Variants in EGF observed in about 807,000 individuals in gnomAD.
EGF encodes the protein epidermal growth factor, also known as pro-epidermal growth factor.
Under a neutral mutation model 143.8 loss-of-function variants are expected in EGF, and 95 were observed. That is an observed-to-expected ratio of 0.66 (90% CI 0.56 to 0.78). EGF has a LOEUF of 0.78. Among genes scored for constraint, EGF ranks in the 30% least tolerant of loss-of-function variants. The pLI is 0.00. For missense variants in EGF, 1,320 were observed against 1,470.9 expected (o/e 0.90, Z 1.68); for synonymous variants, 510 against 510.5 (o/e 1.00, Z 0.01).
At chr4:110,006,105 C>G (rs1753248672) in intron 22 of EGF, among the ~76,000 whole-genome samples, 1 of 151,986 alleles carries the variant, frequency 6.6e-6, no homozygotes, top group Admixed American at 6.6e-5. Context: ...CTTTGGGAGG[C>G]CAAGGCAGGA....
chr4:109,913,719 G>A (rs1234683990), intron 1 of EGF, among the ~76,000 whole-genome samples: 1 of 152,160 alleles, frequency 6.6e-6, no homozygotes, highest in Non-Finnish European at 1.5e-5. Flanking sequence ...TAAACTAGCA[G>A]AACATTTCAT....
At chr4:109,949,286 T>TA (rs1411801434) in intron 5 of EGF, among the ~76,000 whole-genome samples, 2 of 151,792 alleles carry the variant, frequency 1.3e-5, no homozygotes, top group Non-Finnish European at 2.9e-5. Context: ...AGGCTGGTCT[T>TA]AAACTCTTGA....
chr4:109,958,173 A>G (rs575154298), intron 5 of EGF, among the ~76,000 whole-genome samples: 3 of 152,350 alleles, frequency 2.0e-5, no homozygotes, highest in Non-Finnish European at 4.4e-5. Context: ...CAAATTACTT[A>G]TAATACCTAA....
Position 109,963,265 on chromosome 4 carries a change from C to G in EGF, c.1405C>G (p.Leu469Val). The change falls in exon 9 of 24, where the codon CTA becomes GTA. Residue 469 changes from leucine (L) to valine (V), a missense_variant. Leu to Val is a conservative substitution (Grantham distance 32, BLOSUM62 1). This residue lies in a region of EGF where 1,186 missense variants were observed against 1,313.7 expected (regional missense o/e 0.90). Transcript: ENST00000265171. ...ATGTGATTGCTTTCCTGGGTATGAC[C>G]TACAACTGGATGAAAAAAGCTGTGC... ...WECDCFPGYD[L>V]QLDEKSCAAS... The G allele has an allele frequency of 6.2e-7, 1 of 1,613,904 alleles. No homozygotes were observed. Among genetic ancestry groups the G allele is most frequent in the Non-Finnish European group, 8.5e-7 (1 of 1,179,940 alleles).
At position 109,988,013 on chromosome 4, in the gene EGF, A is replaced by C. The variant is rs11569047; in HGVS notation, c.2608+153A>C. Among the ~76,000 whole-genome samples, 3,734 of 152,284 alleles carry C rather than the reference A, an allele frequency of 0.025. 154 individuals carry two copies. Among genetic ancestry groups the C allele is most frequent in the African/African-American group, 0.083 (3,437 of 41,536 alleles). ...TAGCTAAAAAAAAAAATTGAATGAC[A>C]TGCATAGAAAATGAGACATATAAAT... On this transcript the variant is annotated intron_variant, in intron 17 of 23. Transcript: ENST00000265171.
rs74535049 is a variant in EGF, at chr4:109,997,376, C to G, written c.3006-2303C>G. 5.3e-3 allele frequency among the ~76,000 whole-genome samples: 802 copies of G among 152,234 alleles called. 8 individuals carry two copies. Among genetic ancestry groups the G allele is most frequent in the African/African-American group, 0.018 (757 of 41,546 alleles). ...CTAATCTTCTGTCTAGCCCTCAATT[C>G]TTGATTCATAGTATATACCACAACA... is the stretch of plus-strand genomic sequence containing the variant. On this transcript the variant is annotated intron_variant, in intron 20 of 23. Coordinates refer to ENST00000265171, the MANE Select transcript of EGF (RefSeq NM_001963.6).
intron 5 of EGF, among the ~76,000 whole-genome samples, chr4:109,956,427 A>T (rs933114104): frequency 6.6e-6 from 1 of 152,214 alleles, no homozygotes; most frequent in Non-Finnish European, 1.5e-5. Context: ...TAAAAGGCCA[A>T]CTCAAACCTT....
rs17041140 is a variant in EGF at position 109,985,262 on chromosome 4, C to G, written c.2491+1721C>G. On this transcript the variant is annotated intron_variant, in intron 16 of 23. Transcript: ENST00000265171. ...ATACCTGGATTGTGTTCTGTGTTGT[C>G]CTAGCTTGTGAAGTCTTACTTCCAC... 4.4e-3 allele frequency among the ~76,000 whole-genome samples: 668 copies of G among 152,284 alleles called. 4 individuals carry two copies. The highest frequency in any genetic ancestry group is 0.014 in the African/African-American group (574 of 41,548).
chr4:109,914,335 G>T (rs1736227841), intron 1 of EGF, among the ~76,000 whole-genome samples: 2 of 152,134 alleles, frequency 1.3e-5, no homozygotes, highest in African/African-American at 4.8e-5. Context: ...ATGGCGTCTG[G>T]CTTTTAAAAA....
intron 1 of EGF, among the ~76,000 whole-genome samples, chr4:109,928,851 A>G (rs1739216506): frequency 6.6e-6 from 1 of 152,146 alleles, no homozygotes; most frequent in Non-Finnish European, 1.5e-5. Flanking sequence ...GTAATAAGGC[A>G]TGTCCCACCC....
chr4:109,927,337 G>A (rs1374888514), intron 1 of EGF, among the ~76,000 whole-genome samples: 1 of 152,096 alleles, frequency 6.6e-6, no homozygotes, highest in Non-Finnish European at 1.5e-5. Flanking sequence ...TTCAGTAAAT[G>A]CAAACTAATC....
chr4:109,914,330 G>T (rs1398630314), intron 1 of EGF, among the ~76,000 whole-genome samples: 1 of 152,142 alleles, frequency 6.6e-6, no homozygotes, highest in East Asian at 1.9e-4. Context: ...TTGAGATGGC[G>T]TCTGGCTTTT....
intron 18 of EGF, among the ~76,000 whole-genome samples, chr4:109,992,170 TAA>T (rs58841408): frequency 0.018 from 1,168 of 65,340 alleles, 18 homozygotes; most frequent in African/African-American, 0.067. Flanking sequence ...CAAGATTCTT[TAA>T]AAAAAAAAAA....
At position 109,961,913 on chromosome 4, in the gene EGF, C is replaced by T. The variant is rs1028182056; in HGVS notation, c.1240C>T (p.Leu414=). 1 of 1,613,938 alleles carries T rather than the reference C, an allele frequency of 6.2e-7. No homozygotes were observed. Among genetic ancestry groups the T allele is most frequent in the Non-Finnish European group, 8.5e-7 (1 of 1,179,870 alleles). ...GTCTGAATGCAGCCATGACTGTGTT[C>T]TGACATCAGAAGGTCCCTTATGTTT... ...NVSECSHDCV[L]TSEGPLCFCP... is the part of the protein sequence containing the mutation. Residue 414 remains leucine (L), a synonymous_variant, in exon 8 of 24, where the codon CTG becomes TTG. Coordinates refer to ENST00000265171, the MANE Select transcript of EGF (RefSeq NM_001963.6).
intron 20 of EGF, among the ~76,000 whole-genome samples, 200 bp downstream of exon 20, chr4:109,995,080 G>A (rs1164698046): frequency 5.3e-5 from 8 of 152,076 alleles, no homozygotes; most frequent in South Asian, 2.1e-4. Context: ...TCTAGTTACC[G>A]GTGATAAGTA....
At chr4:109,955,741 G>GT (rs573465880) in intron 5 of EGF, among the ~76,000 whole-genome samples, 87 of 152,254 alleles carry the variant, frequency 5.7e-4, no homozygotes, top group Admixed American at 2.7e-3. Context: ...TGATCACAGG[G>GT]TTTTTTTGTG....
chr4:109,966,428 A>T (rs1746604899), intron 10 of EGF, among the ~76,000 whole-genome samples: 1 of 152,106 alleles, frequency 6.6e-6, no homozygotes, highest in Admixed American at 6.6e-5. Flanking sequence ...ACACATTTTA[A>T]AAATCCACTC....
chr4:109,992,263 G>C (rs920050665), intron 18 of EGF: 1 of 150,448 alleles, frequency 6.6e-6, no homozygotes, highest in Non-Finnish European at 1.5e-5. Context: ...ATGCGTTGTA[G>C]GACCTAGTTC....
rs1745482625 is a variant in EGF at position 109,960,317 on chromosome 4, C to T, written c.1067-550C>T. Among the ~76,000 whole-genome samples the T allele has an allele frequency of 4.6e-5, 7 of 152,102 alleles. No homozygotes were observed. The South Asian group carries it at 1.4e-3, about 32-fold the overall frequency. ...AAGGGAAATAATACTACCTTTTTCC[C>T]AAGGGTTATTCTAATATGAAAATCT... On this transcript the variant is annotated intron_variant, in intron 6 of 23. Transcript: ENST00000265171.
Sources: gnomAD v4.1 joint callset for allele counts (sites outside exome capture counted in the v4.1 genomes callset) on GRCh38, gnomAD v4.1.1 for gene constraint, gnomAD v4.1.1 regional missense constraint, MANE v1.5 for transcripts, NCBI Gene and HGNC (gene_info 2026-07-23, HGNC 2026-07-21) for gene names.